KDM5D: variants seen among roughly 807,000 people sequenced by gnomAD.
The protein encoded by KDM5D is lysine-specific demethylase 5D.
Under a neutral mutation model 31.9 loss-of-function variants are expected in KDM5D, and 25 were observed. The observed-to-expected ratio is 0.78, with a 90% CI of 0.57 to 1.09. The LOEUF (loss-of-function observed/expected upper bound fraction) is 1.09, where lower values mean the gene tolerates loss of function less well. Among genes scored for constraint, KDM5D ranks in the 50% least tolerant of loss-of-function variants. The probability of loss-of-function intolerance (pLI) is 0.00; values close to 1 mark genes in which losing one functional copy is unlikely to be tolerated. For missense variants in KDM5D, 366 were observed against 341.6 expected, an observed-to-expected ratio of 1.07 and a Z score of -0.56; for synonymous variants, 146 against 122.3, an observed-to-expected ratio of 1.19 and a Z score of -1.28.
At chrY:19,712,910 G>C (rs771996044) in intron 18 of KDM5D, among the ~76,000 whole-genome samples, 37 of 34,589 alleles carry the variant, frequency 1.1e-3, no homozygotes, top group African/African-American at 3.8e-3. Flanking sequence ...ACCATTATTA[G>C]AAAAGAGTAA....
intron 6 of KDM5D, among the ~76,000 whole-genome samples, 180 bp downstream of exon 6, chrY:19,739,348 A>G: frequency 5.9e-5 from 2 of 33,792 alleles, no homozygotes; most frequent in Admixed American, 5.4e-4. Context: ...GCAAAACTAC[A>G]AAGACAAAAT....
chrY:19,744,188 T>G, intron 2 of KDM5D, among the ~76,000 whole-genome samples, 197 bp downstream of exon 2: 1 of 33,812 alleles, frequency 3.0e-5, no homozygotes, highest in Non-Finnish European at 7.3e-5. Flanking sequence ...AGCAGTCAGA[T>G]GTTTAGAACC....
intron 25 of KDM5D, 22 bp from the exon 26 acceptor site, chrY:19,706,662 G>C: frequency 2.5e-6 from 1 of 393,931 alleles, no homozygotes. Flanking sequence ...GTGGTGCGGT[G>C]AAAGGTGCAG....
intron 11 of KDM5D, among the ~76,000 whole-genome samples, chrY:19,730,875 T>C: frequency 3.0e-5 from 1 of 33,539 alleles, no homozygotes; most frequent in African/African-American, 1.2e-4. Context: ...GAAAGTACAG[T>C]ATTGCTCCTT....
At chrY:19,742,004 C>T in intron 3 of KDM5D, 147 bp from the exon 4 acceptor site, 5 of 118,158 alleles carry the variant, frequency 4.2e-5, no homozygotes, top group Non-Finnish European at 7.4e-5. Context: ...ATCTCACCAG[C>T]GGGGTCCACA....
chrY:19,733,324 T>C (rs2045485888), intron 8 of KDM5D, among the ~76,000 whole-genome samples: 1 of 32,733 alleles, frequency 3.1e-5, no homozygotes, highest in African/African-American at 1.2e-4. Context: ...CACTTACATT[T>C]TGAAAAAATT....
At chrY:19,714,668 A>G (rs756458639) in intron 18 of KDM5D, among the ~76,000 whole-genome samples, 1 of 33,979 alleles carries the variant, frequency 2.9e-5, no homozygotes, top group South Asian at 6.5e-4. Flanking sequence ...AGGCTCTATC[A>G]CACAGCCTAG....
In KDM5D at chrY:19,704,773, G is replaced by C. The variant is rs374993387; in HGVS notation, c.*1222C>G. The C allele has an allele frequency of 4.2e-4, 14 of 33,191 alleles. No individual in the cohort carries two copies. The highest frequency in any genetic ancestry group is 1.6e-3 in the African/African-American group (14 of 8,486). The allele number at this position is 33,191 out of a possible 400,897, so 8.3% of individuals were successfully genotyped here. A position where few individuals can be genotyped will look rare whatever the true frequency, so the allele number is the denominator to read the frequency against. On this transcript the variant is annotated 3_prime_UTR_variant, in exon 27 of 27. Coordinates refer to ENST00000317961, the MANE Select transcript of KDM5D (RefSeq NM_004653.5). Reference sequence around the variant, plus strand: ...CAGAGACACACAAAACAAGAACCGTGAATTGAATTAGTGGTATACTAATAG... The same window carrying C: ...CAGAGACACACAAAACAAGAACCGTCAATTGAATTAGTGGTATACTAATAG...
intron 11 of KDM5D, among the ~76,000 whole-genome samples, chrY:19,728,222 G>C: frequency 3.0e-5 from 1 of 33,739 alleles, no homozygotes; most frequent in Non-Finnish European, 7.4e-5. Context: ...GTAAGATTCA[G>C]AATTGACTTG....
intron 5 of KDM5D, among the ~76,000 whole-genome samples, chrY:19,740,106 C>T: frequency 1.9e-4 from 6 of 32,432 alleles, no homozygotes. Flanking sequence ...AACCCTGTCT[C>T]GGTAAAATAC....
chrY:19,743,602 G>A, intron 2 of KDM5D, among the ~76,000 whole-genome samples: 2 of 32,807 alleles, frequency 6.1e-5, no homozygotes, highest in Non-Finnish European at 1.5e-4. Flanking sequence ...ATGTAATGCA[G>A]ATAAAAAATT....
intron 20 of KDM5D, 79 bp from the exon 21 acceptor site, chrY:19,709,092 C>T: frequency 3.8e-6 from 1 of 262,795 alleles, no homozygotes; most frequent in Non-Finnish European, 5.8e-6. Context: ...CCTAGGTTTC[C>T]TTGCTAAAAA....
intron 3 of KDM5D, among the ~76,000 whole-genome samples, chrY:19,742,147 A>G (rs2045557618): frequency 3.0e-5 from 1 of 33,712 alleles, no homozygotes; most frequent in East Asian, 7.7e-4. Context: ...TGTAGGCTCC[A>G]ACAGTATTTA....
At chrY:19,728,225 T>C (rs1025376288) in intron 11 of KDM5D, among the ~76,000 whole-genome samples, 16 of 33,939 alleles carry the variant, frequency 4.7e-4, no homozygotes, top group Non-Finnish European at 1.0e-3. Flanking sequence ...AGATTCAGAA[T>C]TGACTTGTCA....
At position 19,707,719 on chromosome Y, in the gene KDM5D, T is replaced by C; in HGVS notation, c.3427A>G (p.Lys1143Glu). The C allele has an allele frequency of 2.5e-6, 1 of 396,995 alleles. No homozygotes were observed. Among genetic ancestry groups the C allele is most frequent in the Non-Finnish European group, 3.5e-6 (1 of 282,642 alleles). The change falls in exon 24 of 27, where the codon AAG (lysine) becomes GAG (glutamate). Residue 1143 changes from lysine to glutamate, a missense_variant. Physicochemically the swap from Lys to Glu is moderately conservative, Grantham distance 56 (BLOSUM62 1). Transcript: ENST00000317961. ...VIVAFKEGEQ[K>E]EKEGILQLRR... The stretch of plus-strand genomic sequence containing the variant: ...AGCTGCAGGATACCCTCCTTCTCCT[T>C]CTGTTCCCCTTCCTTGAAGGCCACA...
intron 11 of KDM5D, among the ~76,000 whole-genome samples, chrY:19,725,555 GT>G (rs2045424943): frequency 3.0e-5 from 1 of 33,496 alleles, no homozygotes; most frequent in Non-Finnish European, 7.4e-5. Context: ...ACTCAAGATG[GT>G]TTAAAGAATT....
In KDM5D at chrY:19,732,163, C is replaced by T. The variant is rs2045476800; in HGVS notation, c.1095G>A (p.Glu365=). 2 of 390,430 alleles carry T rather than the reference C, an allele frequency of 5.1e-6. No individual in the cohort carries two copies. Among genetic ancestry groups the T allele is most frequent in the Non-Finnish European group, 7.2e-6 (2 of 278,975 alleles). ...CAAAAGCTTCAGGAGGCTGTTTACACTCCTGAAATAAAATATATTTCAGCA... is the reference window on the plus strand; with the variant it reads ...CAAAAGCTTCAGGAGGCTGTTTACATTCCTGAAATAAAATATATTTCAGCA... ...IWRCPKCILA[E]CKQPPEAFGF... The change falls in exon 10 of 27, where the codon GAG becomes GAA. Residue 365 remains glutamate (E), a splice_region_variant and synonymous_variant. Transcript: ENST00000317961.
rs199813705 is a variant in KDM5D, at chrY:19,744,527, G to A, written c.8C>T (p.Pro3Leu). Residue 3 changes from proline (P) to leucine (L), a missense_variant, in exon 2 of 27, where the codon CCG becomes CTG. Coordinates refer to ENST00000317961, the MANE Select transcript of KDM5D (RefSeq NM_004653.5). The part of the protein sequence containing the change: ME[P>L]GCDEFLPPPE... ...TGGCGGCAGGAACTCGTCACACCCC[G>A]GTTCCATGTCGGGCCTTAATGCTAA... 6.2e-4 allele frequency: 244 copies of A among 392,182 alleles called. No individual in the cohort carries two copies. The Middle Eastern group carries it at 0.012, about 20-fold the overall frequency.
Position 19,709,555 on chromosome Y carries a change from C to G in KDM5D, c.2838G>C (p.Lys946Asn). The G allele has an allele frequency of 2.5e-6, 1 of 398,971 alleles. No homozygotes were observed. The highest frequency in any genetic ancestry group is 3.5e-6 in the Non-Finnish European group (1 of 283,551). The change falls in exon 20 of 27, where the codon AAG (lysine) becomes AAC (asparagine). Residue 946 changes from lysine (K) to asparagine (N), a missense_variant. By Grantham distance (94) the Lys-to-Asn change is moderately conservative (BLOSUM62 0). Coordinates refer to ENST00000317961, the MANE Select transcript of KDM5D (RefSeq NM_004653.5). Reference sequence around the variant, plus strand: ...TGTCCACAGAAGGGCTGGAGGCTATCTTGGCACCCATAACCAAAAGCCCCT... The same window carrying G: ...TGTCCACAGAAGGGCTGGAGGCTATGTTGGCACCCATAACCAAAAGCCCCT... ...IMQGLLVMGA[K>N]IASSPSVDKA...
Sources: gnomAD v4.1 joint callset for allele counts (sites outside exome capture counted in the v4.1 genomes callset) on GRCh38, gnomAD v4.1.1 for gene constraint, MANE v1.5 for transcripts, NCBI Gene and HGNC (gene_info 2026-07-23, HGNC 2026-07-21) for gene names.